Variants in TMEM132D observed in about 807,000 individuals in gnomAD.
TMEM132D encodes the protein transmembrane protein 132D.
TMEM132D carries 21 observed loss-of-function variants against 62.3 expected under a neutral mutation model. That is an observed-to-expected ratio of 0.34 (90% CI 0.24 to 0.49). TMEM132D has a LOEUF of 0.49. Ranked by LOEUF, TMEM132D falls within the 20% of genes least tolerant of loss-of-function variation. TMEM132D has a pLI of 0.99. For synonymous variants in TMEM132D, 621 were observed against 575.6 expected, an observed-to-expected ratio of 1.08 and a Z score of -1.13; for missense variants, 1,346 against 1,402.8, an observed-to-expected ratio of 0.96 and a Z score of 0.65.
intron 5 of TMEM132D, chr12:129,110,200 C>T (rs944426951): frequency 2.6e-5 from 4 of 152,370 alleles, no homozygotes; most frequent in South Asian, 2.1e-4. Flanking sequence ...TCCTTCACAA[C>T]TGCAGTCCTC....
intron 5 of TMEM132D, among the ~76,000 whole-genome samples, chr12:129,200,411 T>C (rs1878669622): frequency 6.6e-6 from 1 of 152,180 alleles, no homozygotes; most frequent in Admixed American, 6.5e-5. Context: ...GCTATTGTTA[T>C]GTGGCCAGTC....
At chr12:129,153,234 G>A (rs1376682076) in intron 5 of TMEM132D, among the ~76,000 whole-genome samples, 2 of 152,124 alleles carry the variant, frequency 1.3e-5, no homozygotes, top group Admixed American at 6.5e-5. Context: ...ACACTGGGAG[G>A]AAAGGAGTCA....
intron 3 of TMEM132D, among the ~76,000 whole-genome samples, chr12:129,440,283 G>A (rs1872903511): frequency 6.6e-6 from 1 of 152,184 alleles, no homozygotes; most frequent in Admixed American, 6.5e-5. Flanking sequence ...GGGGCAAGGT[G>A]GGTATTTGAG....
chr12:129,747,826 C>T (rs1194352393), intron 1 of TMEM132D, among the ~76,000 whole-genome samples: 1 of 142,096 alleles, frequency 7.0e-6, no homozygotes, highest in Non-Finnish European at 1.5e-5. Context: ...TTGACACACA[C>T]TCGACACACA....
chr12:129,682,271 C>T (rs746206229), intron 2 of TMEM132D, among the ~76,000 whole-genome samples: 2 of 152,156 alleles, frequency 1.3e-5, no homozygotes, highest in Non-Finnish European at 2.9e-5. Flanking sequence ...AAATGTGGTG[C>T]CACCAAGTGT....
intron 1 of TMEM132D, among the ~76,000 whole-genome samples, chr12:129,723,086 T>C (rs1868900510): frequency 6.6e-6 from 1 of 152,100 alleles, no homozygotes; most frequent in South Asian, 2.1e-4. Flanking sequence ...GTAAGTGAGA[T>C]GAATTTAAGT....
chr12:129,151,838 G>A lies in TMEM132D; in HGVS notation c.1443+57682C>T, dbSNP rs995101680. ...GTATATTACCTGGACGAATCCACAT[G>A]CCATTCATAATACTTAGTTAATGTG... On this transcript the variant is annotated intron_variant, in intron 5 of 8. Coordinates refer to ENST00000422113, the MANE Select transcript of TMEM132D (RefSeq NM_133448.3). Among the ~76,000 whole-genome samples, 3 of 150,684 alleles carry A rather than the reference G, an allele frequency of 2.0e-5. No individual in the cohort carries two copies. The East Asian group carries it at 5.8e-4, about 29-fold the overall frequency.
chr12:129,334,662 G>A (rs997131638), intron 4 of TMEM132D, among the ~76,000 whole-genome samples: 1 of 151,918 alleles, frequency 6.6e-6, no homozygotes, highest in African/African-American at 2.4e-5. Flanking sequence ...ACCCAGGCTC[G>A]CTCTGTCACC....
At chr12:129,868,250 AACACACATGAGACAGCATTTCTATGGT>A (rs2137374595) in intron 1 of TMEM132D, among the ~76,000 whole-genome samples, 1 of 150,424 alleles carries the variant, frequency 6.6e-6, no homozygotes, top group Non-Finnish European at 1.5e-5. Context: ...GTTTCTAGGG[AACACACATGAGACAGCATTTCTATGGT>A]ACACACATGA....
At chr12:129,892,336 A>C (rs1874952871) in intron 1 of TMEM132D, among the ~76,000 whole-genome samples, 1 of 152,234 alleles carries the variant, frequency 6.6e-6, no homozygotes, top group Non-Finnish European at 1.5e-5. Context: ...TTCTTAAAAC[A>C]TCTCTACCAA....
chr12:129,782,135 G>A (rs1033547980), intron 1 of TMEM132D, among the ~76,000 whole-genome samples: 11 of 152,108 alleles, frequency 7.2e-5, no homozygotes, highest in African/African-American at 1.2e-4. Context: ...AAGTGTTTTC[G>A]ATTTTGTTCA....
chr12:129,205,271 A>T (rs1371074915), intron 5 of TMEM132D, among the ~76,000 whole-genome samples: 1 of 152,104 alleles, frequency 6.6e-6, no homozygotes, highest in Non-Finnish European at 1.5e-5. Flanking sequence ...TAAGAGGCCC[A>T]TCTCACATGT....
chr12:129,373,487 C>T (rs1047936347), intron 3 of TMEM132D, among the ~76,000 whole-genome samples: 2 of 152,004 alleles, frequency 1.3e-5, no homozygotes, highest in Non-Finnish European at 2.9e-5. Context: ...AAAAAATTAG[C>T]CAGGCTCGGT....
At chr12:129,189,221 G>T (rs1026727166) in intron 5 of TMEM132D, among the ~76,000 whole-genome samples, 19 of 152,250 alleles carry the variant, frequency 1.2e-4, no homozygotes, top group African/African-American at 4.3e-4. Context: ...GCCTTTGGAG[G>T]TAGCTAAACC....
intron 1 of TMEM132D, among the ~76,000 whole-genome samples, chr12:129,816,493 T>C (rs528328674): frequency 1.9e-3 from 285 of 152,292 alleles, no homozygotes; most frequent in Non-Finnish European, 3.6e-3. Context: ...ATCCAGCTTA[T>C]ACCACAGAAA....
chr12:129,624,299 A>C (rs760794273), intron 2 of TMEM132D, among the ~76,000 whole-genome samples: 3 of 152,202 alleles, frequency 2.0e-5, no homozygotes, highest in Admixed American at 6.5e-5. Context: ...ATGAATAATA[A>C]AAGGGTCAGA....
At chr12:129,808,959 G>A (rs1387695803) in intron 1 of TMEM132D, among the ~76,000 whole-genome samples, 1 of 152,142 alleles carries the variant, frequency 6.6e-6, no homozygotes, top group Non-Finnish European at 1.5e-5. Flanking sequence ...ACTGCAATGT[G>A]GTAATGTTAT....
intron 1 of TMEM132D, among the ~76,000 whole-genome samples, chr12:129,845,625 C>A (rs1337292630): frequency 6.6e-6 from 1 of 152,150 alleles, no homozygotes; most frequent in Non-Finnish European, 1.5e-5. Context: ...TTAGATTTAA[C>A]CCAAATTAAA....
intron 1 of TMEM132D, among the ~76,000 whole-genome samples, chr12:129,722,674 C>G (rs1310184046): frequency 6.6e-6 from 1 of 151,990 alleles, no homozygotes; most frequent in Non-Finnish European, 1.5e-5. Flanking sequence ...CATGGTCCTG[C>G]TGGAGAACCA....
Sources: allele counts gnomAD v4.1 joint callset (sites outside exome capture counted in the v4.1 genomes callset), GRCh38; gene constraint gnomAD v4.1.1; transcripts MANE v1.5; gene names NCBI Gene and HGNC (gene_info 2026-07-23, HGNC 2026-07-21).